PCDHA6: variants seen among roughly 807,000 people sequenced by gnomAD.
PCDHA6 encodes protocadherin alpha-6.
In PCDHA6, 55 loss-of-function variants were observed where a neutral mutation model predicts 60.3. The observed-to-expected ratio is 0.91, with a 90% confidence interval of 0.73 to 1.14. The LOEUF (loss-of-function observed/expected upper bound fraction) is 1.14, where lower values mean the gene tolerates loss of function less well. Among genes scored for constraint, PCDHA6 ranks in the 50% most tolerant of loss-of-function variants. The probability of loss-of-function intolerance (pLI) is 0.00; values close to 1 mark genes in which losing one functional copy is unlikely to be tolerated. For synonymous variants in PCDHA6, 652 were observed against 557.9 expected (o/e 1.17, Z -2.38); for missense variants, 1,327 against 1,256.5 (o/e 1.06, Z -0.85).
rs78283049 is a variant in PCDHA6 at position 140,938,200 on chromosome 5, C to G, written c.2395-40749C>G. 2.3e-3 allele frequency among the ~76,000 whole-genome samples: 352 copies of G among 152,306 alleles called. 1 individual carries two copies. The highest frequency in any genetic ancestry group is 8.1e-3 in the African/African-American group (335 of 41,568). On this transcript the variant is annotated intron_variant, in intron 1 of 3. Coordinates refer to ENST00000529310, the MANE Select transcript of PCDHA6 (RefSeq NM_018909.4). ...GGCTCAAGCAATCCTCCCACGCCAG[C>G]CTCCCAAAGTGCTGGGATTACAGGC... is the stretch of plus-strand genomic sequence containing the variant.
intron 1 of PCDHA6, among the ~76,000 whole-genome samples, chr5:140,909,076 G>A (rs556959550): frequency 3.3e-5 from 5 of 152,294 alleles, no homozygotes; most frequent in African/African-American, 7.2e-5. Context: ...TAAGCCCAGT[G>A]TGTTTGCTAC....
intron 3 of PCDHA6, among the ~76,000 whole-genome samples, chr5:140,987,599 C>T (rs1475170913): frequency 1.3e-5 from 2 of 152,086 alleles, no homozygotes; most frequent in Non-Finnish European, 2.9e-5. Context: ...GTGGTGTCTA[C>T]CTTATAGGGT....
intron 3 of PCDHA6, among the ~76,000 whole-genome samples, chr5:140,995,409 A>G (rs1056120944): frequency 2.6e-4 from 39 of 152,210 alleles, no homozygotes; most frequent in Admixed American, 6.5e-5. Flanking sequence ...TCGAGATTTC[A>G]TCACATTACT....
chr5:140,997,077 G>T (rs1201538953), intron 3 of PCDHA6, among the ~76,000 whole-genome samples: 3 of 152,062 alleles, frequency 2.0e-5, no homozygotes, highest in Admixed American at 2.0e-4. Flanking sequence ...CAGGAAAGTT[G>T]AGTAGAAAGT....
In PCDHA6 at chr5:140,982,477, C is replaced by G. The variant is rs782587733; in HGVS notation, c.2456C>G (p.Ser819Cys). ...SASLRAGMHS[S>C]VHLEEAGILR... ...TCTGGGTCTGTGTGTTTATTCAGCT[C>G]TGTGCACCTAGAGGAGGCTGGCATT... is the stretch of plus-strand genomic sequence containing the variant. Residue 819 changes from serine to cysteine, a missense_variant and splice_region_variant, in exon 3 of 4, where the codon TCT (serine) becomes TGT (cysteine). Coordinates refer to ENST00000529310, the MANE Select transcript of PCDHA6 (RefSeq NM_018909.4). 2 of 1,614,188 alleles carry G rather than the reference C, an allele frequency of 1.2e-6. No homozygotes were observed. Among genetic ancestry groups the G allele is most frequent in the Non-Finnish European group, 1.7e-6 (2 of 1,180,030 alleles).
intron 1 of PCDHA6, among the ~76,000 whole-genome samples, chr5:140,840,752 A>G (rs1776854454): frequency 6.6e-6 from 1 of 152,098 alleles, no homozygotes; most frequent in Non-Finnish European, 1.5e-5. Context: ...ATAAGAACAC[A>G]AGAAGATAAA....
intron 1 of PCDHA6, among the ~76,000 whole-genome samples, chr5:140,960,366 ACT>A (rs2095543381): frequency 6.6e-6 from 1 of 152,188 alleles, no homozygotes; most frequent in Non-Finnish European, 1.5e-5. Flanking sequence ...TAATATGCCA[ACT>A]CTTAAGTGCC....
intron 1 of PCDHA6, among the ~76,000 whole-genome samples, chr5:140,919,536 C>A (rs1554199151): frequency 6.6e-6 from 1 of 151,864 alleles, no homozygotes; most frequent in Admixed American, 6.6e-5. Context: ...TTTTCCTATA[C>A]TTTTCATTTA....
At chr5:140,843,679 C>T (rs2150364894) in intron 1 of PCDHA6, 1 of 1,589,886 alleles carries the variant, frequency 6.3e-7, no homozygotes, top group Non-Finnish European at 8.6e-7. Flanking sequence ...TTGATGTAGG[C>T]GAAGAGCAAG....
At chr5:140,869,170 T>C in intron 1 of PCDHA6, 3 of 1,613,920 alleles carry the variant, frequency 1.9e-6, no homozygotes, top group Non-Finnish European at 2.5e-6. Context: ...CCTCCTCGAA[T>C]TCTGGGAGGT....
chr5:140,929,931 A>G (rs2086483535), intron 1 of PCDHA6: 1 of 152,250 alleles, frequency 6.6e-6, no homozygotes, highest in Non-Finnish European at 1.5e-5. Flanking sequence ...AAAACAGTGT[A>G]TTCTCTAGCC....
chr5:140,941,748 T>G (rs2093156951), intron 1 of PCDHA6, among the ~76,000 whole-genome samples: 1 of 152,210 alleles, frequency 6.6e-6, no homozygotes, highest in South Asian at 2.1e-4. Flanking sequence ...CTTATCAGAT[T>G]TTCAGTGCTT....
intron 1 of PCDHA6, chr5:140,850,536 C>A (rs1342459599): frequency 1.9e-6 from 3 of 1,598,178 alleles, no homozygotes; most frequent in East Asian, 2.2e-5. Context: ...GTCATCGTCG[C>A]GGGCGTCAGT....
chr5:140,999,523 C>T (rs115576128), intron 3 of PCDHA6, among the ~76,000 whole-genome samples: 1 of 152,026 alleles, frequency 6.6e-6, no homozygotes, highest in Non-Finnish European at 1.5e-5. Context: ...CATTTTGTTA[C>T]CCCCTGGATA....
At position 140,828,097 on chromosome 5, in the gene PCDHA6, G is replaced by A; in HGVS notation, c.6G>A (p.Val2=). 1 of 1,606,162 alleles carries A rather than the reference G, an allele frequency of 6.2e-7. No individual in the cohort carries two copies. The highest frequency in any genetic ancestry group is 8.5e-7 in the Non-Finnish European group (1 of 1,175,494). Residue 2 remains valine, a synonymous_variant, in exon 1 of 4, where the codon GTG becomes GTA. Transcript: ENST00000529310. The stretch of plus-strand genomic sequence containing the variant: ...TAAAACCAGAGGTATTTGACATGGT[G>A]TTTACCCCGGAGGATAGATTGGGAA... The part of the protein sequence containing the change: M[V]FTPEDRLGKQ...
At chr5:141,005,822 C>T (rs1248291613) in intron 3 of PCDHA6, among the ~76,000 whole-genome samples, 2 of 151,298 alleles carry the variant, frequency 1.3e-5, no homozygotes, top group Non-Finnish European at 2.9e-5. Context: ...GTATGGTGGC[C>T]TGTAGTCCCA....
intron 3 of PCDHA6, among the ~76,000 whole-genome samples, chr5:140,989,205 C>G (rs750885432): frequency 6.6e-6 from 1 of 152,192 alleles, no homozygotes; most frequent in Admixed American, 6.5e-5. Flanking sequence ...TTCTAGCTTT[C>G]TTTATACACC....
chr5:140,961,515 C>T (rs2095619049), intron 1 of PCDHA6, among the ~76,000 whole-genome samples: 1 of 152,092 alleles, frequency 6.6e-6, no homozygotes, highest in Admixed American at 6.5e-5. Flanking sequence ...TTTAATGTCT[C>T]CACAAATTCT....
intron 1 of PCDHA6, chr5:140,843,306 C>T (rs1393236321): frequency 1.3e-6 from 2 of 1,596,004 alleles, no homozygotes; most frequent in Non-Finnish European, 1.7e-6. Context: ...CTGACCGCCA[C>T]GGCCACGGTT....
Sources: allele counts gnomAD v4.1 joint callset (sites outside exome capture counted in the v4.1 genomes callset), GRCh38; gene constraint gnomAD v4.1.1; transcripts MANE v1.5; gene names NCBI Gene and HGNC (gene_info 2026-07-23, HGNC 2026-07-21).